EZR: variants seen among roughly 807,000 people sequenced by gnomAD.
EZR encodes cytovillin 2.
A neutral mutation model predicts 74.8 loss-of-function variants in EZR; 40 were observed. The ratio of observed to expected loss-of-function variants is 0.53; its 90% CI spans 0.42 to 0.70. The LOEUF is 0.70. Among genes scored for constraint, EZR ranks in the 30% least tolerant of loss-of-function variants. EZR has a pLI of 0.00. For synonymous variants in EZR, 341 were observed against 283.3 expected (o/e 1.20, Z -2.05); for missense variants, 678 against 755.8 (o/e 0.90, Z 1.21).
chr6:158,808,972 TAAA>T (rs920730995), intron 2 of EZR, among the ~76,000 whole-genome samples: 1 of 151,926 alleles, frequency 6.6e-6, no homozygotes, highest in Non-Finnish European at 1.5e-5. Context: ...TCTATAGAAA[TAAA>T]AATAAAAAGA....
At chr6:158,795,993 G>A (rs1187883624) in intron 2 of EZR, among the ~76,000 whole-genome samples, 1 of 152,170 alleles carries the variant, frequency 6.6e-6, no homozygotes, top group African/African-American at 2.4e-5. Flanking sequence ...TGAAATGCTA[G>A]GTTCAAAGCC....
At chr6:158,775,481 T>C (rs373605972) in intron 8 of EZR, among the ~76,000 whole-genome samples, 1 of 152,236 alleles carries the variant, frequency 6.6e-6, no homozygotes, top group African/African-American at 2.4e-5. Context: ...TGCTAAGCAG[T>C]ACCCAGTCCC....
chr6:158,815,456 A>G (rs1777534364), intron 2 of EZR, among the ~76,000 whole-genome samples: 1 of 152,196 alleles, frequency 6.6e-6, no homozygotes, highest in South Asian at 2.1e-4. Flanking sequence ...TGGCTGACCT[A>G]AAAGGAAGCC....
chr6:158,770,128 T>TC (rs376393923), intron 10 of EZR, among the ~76,000 whole-genome samples, 184 bp from the exon 11 acceptor site: 31 of 152,258 alleles, frequency 2.0e-4, no homozygotes, highest in African/African-American at 7.5e-4. Context: ...CATGACAACT[T>TC]CCTCAAGATG....
At chr6:158,803,531 ATATATATATATATG>A (rs1562504214) in intron 2 of EZR, among the ~76,000 whole-genome samples, 2,502 of 7,090 alleles carry the variant, frequency 0.35, 155 homozygotes, top group Middle Eastern at 0.4. Context: ...GTAACATTAT[ATATATATATATATG>A]TATATATATA....
chr6:158,815,563 C>A (rs1041649708), intron 2 of EZR, among the ~76,000 whole-genome samples: 3 of 152,226 alleles, frequency 2.0e-5, no homozygotes, highest in African/African-American at 7.2e-5. Context: ...GCAGCCTTGA[C>A]CTCCAGGGCT....
At chr6:158,815,990 G>C (rs1777544910) in intron 2 of EZR, among the ~76,000 whole-genome samples, 1 of 152,200 alleles carries the variant, frequency 6.6e-6, no homozygotes, top group Non-Finnish European at 1.5e-5. Flanking sequence ...CCTGCCATAA[G>C]AAATAAGAGA....
rs182678633 is a variant in EZR, at chr6:158,766,594, C to T, written c.*320G>A. 126 of 288,740 alleles carry T rather than the reference C, an allele frequency of 4.4e-4. No individual in the cohort carries two copies. The highest frequency in any genetic ancestry group is 2.7e-3 in the African/African-American group (124 of 45,850). The allele number at this position is 288,740 out of a possible 1,614,324, so 17.9% of individuals were successfully genotyped here. A position where few individuals can be genotyped will look rare whatever the true frequency, so the allele number is the denominator to read the frequency against. ...CCTTTAATGATGCTGACTCTTGTAT[C>T]ACACAGGCCAGCATGAAGTTTCTTA... On this transcript the variant is annotated 3_prime_UTR_variant, in exon 14 of 14. Coordinates refer to ENST00000367075, the MANE Select transcript of EZR (RefSeq NM_001111077.2).
intron 7 of EZR, 33 bp downstream of exon 7, chr6:158,783,487 A>G (rs1203071874): frequency 6.3e-7 from 1 of 1,592,868 alleles, no homozygotes; most frequent in Non-Finnish European, 8.6e-7. Context: ...CCACCACCCT[A>G]CCTACTGAAG....
intron 2 of EZR, among the ~76,000 whole-genome samples, chr6:158,814,908 T>G (rs1777522901): frequency 1.3e-5 from 2 of 152,194 alleles, no homozygotes; most frequent in African/African-American, 4.8e-5. Flanking sequence ...ATGAGTATTT[T>G]CAGTTATACT....
chr6:158,770,135 G>A (rs1177071549), intron 10 of EZR, among the ~76,000 whole-genome samples, 191 bp from the exon 11 acceptor site: 1 of 152,178 alleles, frequency 6.6e-6, no homozygotes, highest in Non-Finnish European at 1.5e-5. Flanking sequence ...ACTTCCTCAA[G>A]ATGGCTAGAA....
rs905447747 is a variant in EZR at position 158,783,243 on chromosome 6, CA to C, written c.698+276del. Reference sequence around the variant, plus strand: ...GGCAGCTGGGGTGGAATCTCAGAGGCAGCGGGGAGGAGAGGCAGCCTCTGCT... The same window carrying C: ...GGCAGCTGGGGTGGAATCTCAGAGGCGCGGGGAGGAGAGGCAGCCTCTGCT... On this transcript the variant is annotated intron_variant, in intron 7 of 13. Transcript: ENST00000367075. Among the ~76,000 whole-genome samples the C allele has an allele frequency of 1.5e-3, 157 of 105,838 alleles. 1 individual carries two copies. Among genetic ancestry groups the C allele is most frequent in the African/African-American group, 4.8e-3 (154 of 31,996 alleles). The allele number at this position is 105,838 out of a possible 152,430, so 69.4% of individuals were successfully genotyped here.
chr6:158,805,664 CTT>C (rs953094595), intron 2 of EZR, among the ~76,000 whole-genome samples: 3 of 152,088 alleles, frequency 2.0e-5, no homozygotes, highest in Non-Finnish European at 4.4e-5. Context: ...CCTGCCAAAA[CTT>C]TTAAAATCAC....
chr6:158,783,920 G>A (rs1322681231), intron 6 of EZR, among the ~76,000 whole-genome samples: 1 of 152,172 alleles, frequency 6.6e-6, no homozygotes, highest in Non-Finnish European at 1.5e-5. Context: ...AAGAAGAACT[G>A]ATTCACACTG....
intron 2 of EZR, among the ~76,000 whole-genome samples, chr6:158,798,545 G>C (rs1481316266): frequency 6.6e-6 from 1 of 151,948 alleles, no homozygotes; most frequent in Admixed American, 6.5e-5. Flanking sequence ...TGCCCCACCA[G>C]GGCAGAGCTG....
rs767735267 is a variant in EZR, at chr6:158,766,418, A to G, written c.*496T>C. The G allele has an allele frequency of 2.0e-5, 3 of 153,544 alleles. No individual in the cohort carries two copies. Among genetic ancestry groups the G allele is most frequent in the Non-Finnish European group, 2.9e-5 (2 of 68,874 alleles). 9.5% of individuals were successfully genotyped at this position (153,544 alleles called of 1,614,324 possible). ...GGAGGAGGGAATCACTGTGTGTGCG[A>G]GAGTGCTTCAGACTCAATTTCCAAA... On this transcript the variant is annotated 3_prime_UTR_variant, in exon 14 of 14. Transcript: ENST00000367075.
At chr6:158,773,925 A>G (rs537366732) in intron 8 of EZR, among the ~76,000 whole-genome samples, 2 of 152,308 alleles carry the variant, frequency 1.3e-5, no homozygotes, top group African/African-American at 2.4e-5. Context: ...AGCTGTATAC[A>G]AGGTCCCATC....
intron 4 of EZR, 144 bp from the exon 5 acceptor site, chr6:158,785,727 T>G: frequency 1.8e-6 from 2 of 1,081,226 alleles, no homozygotes; most frequent in Non-Finnish European, 2.6e-6. Context: ...TTTTTAGCAC[T>G]CCAGACAAAA....
chr6:158,789,503 A>G, intron 2 of EZR, 132 bp from the exon 3 acceptor site: 1 of 843,116 alleles, frequency 1.2e-6, no homozygotes, highest in South Asian at 1.3e-5. Context: ...TGTGCTAGTC[A>G]GGAAGCCACA....
Sources: gnomAD v4.1 joint callset for allele counts (sites outside exome capture counted in the v4.1 genomes callset) on GRCh38, gnomAD v4.1.1 for gene constraint, MANE v1.5 for transcripts, NCBI Gene and HGNC (gene_info 2026-07-23, HGNC 2026-07-21) for gene names.